RNF17: variants seen among roughly 807,000 people sequenced by gnomAD.
The protein encoded by RNF17 is spermatogenesis associated 23.
In RNF17, 31 loss-of-function variants were observed where a neutral mutation model predicts 200.5. The ratio of observed to expected loss-of-function variants is 0.15; its 90% CI spans 0.12 to 0.21. The LOEUF (loss-of-function observed/expected upper bound fraction) is 0.21, where lower values mean the gene tolerates loss of function less well. RNF17 is among the 10% of genes least tolerant of loss of function. The pLI, the probability that RNF17 is intolerant of heterozygous loss-of-function variation, is 1.00. For synonymous variants in RNF17, 606 were observed against 637.8 expected (o/e 0.95, Z 0.75); for missense variants, 1,628 against 1,905.1 (o/e 0.85, Z 2.71).
the RNF17 span, chr13:24,885,288 A>ATGAC: frequency 6.3e-7 from 1 of 1,599,390 alleles, no homozygotes; most frequent in African/African-American, 1.3e-5. Context: ...TTCCATCAGG[A>ATGAC]TGACTGATTT....
intron 3 of RNF17, among the ~76,000 whole-genome samples, chr13:24,777,540 T>G (rs1881738461): frequency 6.6e-6 from 1 of 152,216 alleles, no homozygotes; most frequent in Admixed American, 6.5e-5. Context: ...TTCTATAGAC[T>G]AGAGAATGCA....
downstream of RNF17, chr13:24,882,323 A>AATTG (rs1418282114): frequency 6.6e-6 from 1 of 151,444 alleles, no homozygotes; most frequent in East Asian, 1.9e-4. Flanking sequence ...AGTCACCTGG[A>AATTG]ATTGATAGAT....
chr13:24,825,345 T>C (rs1338170885), intron 15 of RNF17, among the ~76,000 whole-genome samples: 3 of 152,178 alleles, frequency 2.0e-5, no homozygotes, highest in Non-Finnish European at 2.9e-5. Flanking sequence ...TAAAAACATA[T>C]ACAGTGAGTG....
chr13:24,859,484 A>G (rs1666658661), intron 26 of RNF17, among the ~76,000 whole-genome samples: 1 of 152,124 alleles, frequency 6.6e-6, no homozygotes, highest in African/African-American at 2.4e-5. Flanking sequence ...ATATCTCGCT[A>G]GCAAATTTGT....
downstream of RNF17, chr13:24,883,274 G>A (rs144251950): frequency 4.6e-4 from 740 of 1,613,900 alleles, 1 homozygote; most frequent in Admixed American, 1.3e-3. Context: ...TGCATATACG[G>A]TTTTAACAGT....
At position 24,862,735 on chromosome 13, in the gene RNF17, A is replaced by T. The variant is rs1268706304; in HGVS notation, c.3917A>T (p.Asp1306Val). ...TTPVGNVWQPDAIEVLQQLLS... is the reference protein window; with the variant it reads ...TTPVGNVWQPVAIEVLQQLLS... ...TAGGTTGGGAATGTCTGGCAACCAG[A>T]TGCAATAGAAGTTCTTCAACAACTG... Residue 1306 changes from aspartate to valine, a missense_variant, in exon 28 of 36, where the codon GAT (aspartate) becomes GTT (valine). By Grantham distance (152) the Asp-to-Val change is radical (BLOSUM62 -3). This residue lies in a region of RNF17 where 609 missense variants were observed against 681.9 expected (regional missense o/e 0.89). Coordinates refer to ENST00000255324, the MANE Select transcript of RNF17 (RefSeq NM_031277.3). The T allele has an allele frequency of 6.8e-6, 11 of 1,608,850 alleles. No individual in the cohort carries two copies. Among genetic ancestry groups the T allele is most frequent in the Non-Finnish European group, 9.4e-6 (11 of 1,175,450 alleles).
chr13:24,778,909 C>G (rs1476745054), intron 4 of RNF17, among the ~76,000 whole-genome samples: 1 of 152,130 alleles, frequency 6.6e-6, no homozygotes, highest in African/African-American at 2.4e-5. Context: ...TTAATGGAGG[C>G]CACGTGCAGT....
chr13:24,812,933 C>T (rs997468473), intron 15 of RNF17, among the ~76,000 whole-genome samples: 2 of 152,114 alleles, frequency 1.3e-5, no homozygotes, highest in Middle Eastern at 3.4e-3. Context: ...CCACCCGCCT[C>T]GACCTCCCTA....
At chr13:24,841,687 G>A (rs1301993113) in intron 18 of RNF17, among the ~76,000 whole-genome samples, 2 of 152,056 alleles carry the variant, frequency 1.3e-5, no homozygotes, top group African/African-American at 2.4e-5. Flanking sequence ...GGCTGGGTGC[G>A]GTGGCTCAGG....
downstream of RNF17, among the ~76,000 whole-genome samples, chr13:24,884,831 G>A (rs562112673): frequency 5.3e-4 from 81 of 152,232 alleles, no homozygotes; most frequent in African/African-American, 1.7e-3. Flanking sequence ...TTAGGTATTC[G>A]AAAAGTAAAT....
chr13:24,825,324 T>C (rs1377235270), intron 15 of RNF17, among the ~76,000 whole-genome samples: 1 of 152,192 alleles, frequency 6.6e-6, no homozygotes, highest in Admixed American at 6.5e-5. Flanking sequence ...TGTGGTAAAG[T>C]CTAGTTTTGG....
At chr13:24,885,681 A>G in the RNF17 span, 2 of 1,602,088 alleles carry the variant, frequency 1.2e-6, no homozygotes, top group Admixed American at 1.7e-5. Flanking sequence ...CTATTAGAAT[A>G]AAATTGTCAA....
At position 24,781,827 on chromosome 13, in the gene RNF17, G is replaced by T. The variant is rs1178884819; in HGVS notation, c.511-17G>T. On this transcript the variant is annotated splice_polypyrimidine_tract_variant and intron_variant, in intron 5 of 35. Transcript: ENST00000255324. Reference sequence around the variant, plus strand: ...AATTCCCAAATTAAGTTTTTGTCTTGTTTTTTTTTTTTCCAGGCACTTGAA... The same window carrying T: ...AATTCCCAAATTAAGTTTTTGTCTTTTTTTTTTTTTTTCCAGGCACTTGAA... The T allele has an allele frequency of 3.9e-6, 4 of 1,036,384 alleles. No homozygotes were observed. 64.2% of individuals were successfully genotyped at this position (1,036,384 alleles called of 1,614,324 possible).
chr13:24,877,534 G>A (rs1208921379), intron 34 of RNF17, among the ~76,000 whole-genome samples: 2 of 152,156 alleles, frequency 1.3e-5, no homozygotes, highest in Non-Finnish European at 2.9e-5. Context: ...CTATAACAGA[G>A]CTATAGCTAA....
In RNF17 at chr13:24,870,616, C is replaced by A. The variant is rs371014248; in HGVS notation, c.4324C>A (p.Gln1442Lys). ...TATAGAAACTTCTAACCAGTCTAAC[C>A]AGCATAGTGACACAGATGATAGTGG... ...DSIETSNQSN[Q>K]HSDTDDSGVS... Residue 1442 changes from glutamine to lysine, a missense_variant, in exon 32 of 36, where the codon CAG becomes AAG. By Grantham distance (53) the Gln-to-Lys change is moderately conservative. Coordinates refer to ENST00000255324, the MANE Select transcript of RNF17 (RefSeq NM_031277.3). 16 of 1,613,866 alleles carry A rather than the reference C, an allele frequency of 9.9e-6. No individual in the cohort carries two copies. Among genetic ancestry groups the A allele is most frequent in the Non-Finnish European group, 1.3e-5 (15 of 1,179,902 alleles).
At chr13:24,879,061 T>G in intron 34 of RNF17, 126 bp from the exon 35 acceptor site, 1 of 637,506 alleles carries the variant, frequency 1.6e-6, no homozygotes, top group Non-Finnish European at 2.8e-6. Context: ...TTTGGAAGCA[T>G]AGAGCATAAA....
At position 24,874,205 on chromosome 13, in the gene RNF17, A is replaced by T. The variant is rs887793528; in HGVS notation, c.4539A>T (p.Val1513=). The T allele has an allele frequency of 4.3e-6, 7 of 1,609,910 alleles. No individual in the cohort carries two copies. Among genetic ancestry groups the T allele is most frequent in the Non-Finnish European group, 5.9e-6 (7 of 1,178,294 alleles). ...IKEFNPLSIL[V]QFVDYGSTAK... ...AATTTAATCCTTTATCTATCTTAGT[A>T]CAATTTGTTGATTATGGATCAACTG... Residue 1513 remains valine, a synonymous_variant, in exon 33 of 36, where the codon GTA becomes GTT. Transcript: ENST00000255324.
rs1453502681 is a variant in RNF17 at position 24,851,467 on chromosome 13, A to G, written c.3216A>G (p.Thr1072=). 5 of 1,611,098 alleles carry G rather than the reference A, an allele frequency of 3.1e-6. No individual in the cohort carries two copies. Among genetic ancestry groups the G allele is most frequent in the Non-Finnish European group, 4.2e-6 (5 of 1,178,044 alleles). ...TTAAATCACTACAGGAAAACAACACAACATGGCCATTACCTGTGAAAATTT... is the reference window on the plus strand; with the variant it reads ...TTAAATCACTACAGGAAAACAACACGACATGGCCATTACCTGTGAAAATTT... ...ILQVDSEENN[T]TWPLPVKIFC... is the part of the protein sequence containing the mutation. Residue 1072 remains threonine (T), a synonymous_variant, in exon 24 of 36, where the codon ACA becomes ACG. Transcript: ENST00000255324.
chr13:24,757,321 CTTT>C, the RNF17 span, among the ~76,000 whole-genome samples: 5 of 141,734 alleles, frequency 3.5e-5, no homozygotes, highest in Admixed American at 7.0e-5. Context: ...GGACAATATT[CTTT>C]TTTTTTTTTT....
Sources: gnomAD v4.1 joint callset for allele counts (sites outside exome capture counted in the v4.1 genomes callset) on GRCh38, gnomAD v4.1.1 for gene constraint, gnomAD v4.1.1 regional missense constraint, MANE v1.5 for transcripts, NCBI Gene and HGNC (gene_info 2026-07-23, HGNC 2026-07-21) for gene names.